MAP3K5: variants seen among roughly 807,000 people sequenced by gnomAD.
The protein encoded by MAP3K5 is ASK-1.
MAP3K5 carries 56 observed loss-of-function variants against 158.7 expected under a neutral mutation model. The ratio of observed to expected loss-of-function variants is 0.35; its 90% CI spans 0.28 to 0.44. The LOEUF (loss-of-function observed/expected upper bound fraction) is 0.44. MAP3K5 is among the 20% of genes least tolerant of loss of function. The pLI is 1.00. For synonymous variants in MAP3K5, 579 were observed against 601.7 expected (o/e 0.96, Z 0.55); for missense variants, 1,294 against 1,674.8 (o/e 0.77, Z 3.97).
At chr6:136,780,063 A>C (rs193240571) in intron 1 of MAP3K5, among the ~76,000 whole-genome samples, 1 of 152,302 alleles carries the variant, frequency 6.6e-6, no homozygotes, top group African/African-American at 2.4e-5. Flanking sequence ...AAAGACTTGG[A>C]AAAGGTCAAA....
intron 1 of MAP3K5, among the ~76,000 whole-genome samples, chr6:136,756,384 A>G (rs913972876): frequency 2.6e-5 from 4 of 152,182 alleles, no homozygotes; most frequent in Non-Finnish European, 5.9e-5. Flanking sequence ...GTCAGAGTGC[A>G]ATGAAATGAT....
At chr6:136,582,034 G>A (rs1774903388) in intron 24 of MAP3K5, among the ~76,000 whole-genome samples, 1 of 151,584 alleles carries the variant, frequency 6.6e-6, no homozygotes, top group Non-Finnish European at 1.5e-5. Context: ...AGTGACCTGA[G>A]ATCATGCCAC....
At chr6:136,764,475 C>T (rs1783880686) in intron 1 of MAP3K5, among the ~76,000 whole-genome samples, 2 of 152,170 alleles carry the variant, frequency 1.3e-5, no homozygotes, top group African/African-American at 4.8e-5. Context: ...CAGCCCACAC[C>T]ACCTTCCAGT....
chr6:136,655,947 G>A (rs975709025), intron 10 of MAP3K5, among the ~76,000 whole-genome samples: 19 of 152,142 alleles, frequency 1.2e-4, no homozygotes, highest in Non-Finnish European at 1.5e-5. Flanking sequence ...CAATACGGGA[G>A]ATAATACTGA....
At chr6:136,755,369 C>G (rs1459049350) in intron 1 of MAP3K5, among the ~76,000 whole-genome samples, 2 of 152,108 alleles carry the variant, frequency 1.3e-5, no homozygotes, top group African/African-American at 2.4e-5. Context: ...TCTCCTCTCC[C>G]AGCCCTCTAA....
At chr6:136,675,531 C>A (rs1562602167) in intron 7 of MAP3K5, among the ~76,000 whole-genome samples, 2 of 151,692 alleles carry the variant, frequency 1.3e-5, no homozygotes, top group South Asian at 4.2e-4. Context: ...ACCCAAAGGT[C>A]AAAGAAGAAA....
intron 2 of MAP3K5, among the ~76,000 whole-genome samples, chr6:136,715,851 C>T (rs550553863): frequency 1.3e-5 from 2 of 151,242 alleles, no homozygotes; most frequent in Admixed American, 6.6e-5. Context: ...GCCAACATGG[C>T]GAAACCCCGT....
chr6:136,644,277 G>A (rs1260134763), intron 11 of MAP3K5, among the ~76,000 whole-genome samples: 1 of 152,172 alleles, frequency 6.6e-6, no homozygotes, highest in Non-Finnish European at 1.5e-5. Context: ...CCCAAGCCCT[G>A]AGATGGAAGG....
intron 2 of MAP3K5, among the ~76,000 whole-genome samples, chr6:136,712,824 T>C (rs1781367168): frequency 6.6e-6 from 1 of 152,216 alleles, no homozygotes; most frequent in Admixed American, 6.5e-5. Flanking sequence ...CGAGGTCTGA[T>C]GATTTTATAA....
intron 7 of MAP3K5, among the ~76,000 whole-genome samples, chr6:136,680,706 T>C (rs1226778942): frequency 6.6e-6 from 1 of 152,214 alleles, no homozygotes; most frequent in Non-Finnish European, 1.5e-5. Flanking sequence ...TTCTCATCTT[T>C]GCCAATTGAT....
In MAP3K5 at chr6:136,602,706, G is replaced by A. The variant is rs565441223; in HGVS notation, c.2680-727C>T. Among the ~76,000 whole-genome samples, 12 of 152,200 alleles carry A rather than the reference G, an allele frequency of 7.9e-5. No individual in the cohort carries two copies. The East Asian group carries it at 9.6e-4, about 12-fold the overall frequency. The stretch of plus-strand genomic sequence containing the variant: ...CATCAAATCCTTCCAACAATCCAGC[G>A]GATTAAATATTTTCCTTGTTACACC... On this transcript the variant is annotated intron_variant, in intron 19 of 29. Transcript: ENST00000359015.
intron 2 of MAP3K5, 24 bp from the exon 3 acceptor site, chr6:136,705,157 AC>A (rs756619186): frequency 9.1e-7 from 1 of 1,101,174 alleles, no homozygotes. Flanking sequence ...AAAAAAATAT[AC>A]CACAAGTTAA....
At chr6:136,663,256 C>G (rs938109268) in intron 8 of MAP3K5, among the ~76,000 whole-genome samples, 1 of 152,184 alleles carries the variant, frequency 6.6e-6, no homozygotes, top group Non-Finnish European at 1.5e-5. Flanking sequence ...TGAAGAATCT[C>G]AAACATACAT....
At chr6:136,646,812 A>G (rs1010237479) in intron 11 of MAP3K5, among the ~76,000 whole-genome samples, 2 of 152,232 alleles carry the variant, frequency 1.3e-5, no homozygotes, top group Admixed American at 1.3e-4. Context: ...CTTTAAAGCA[A>G]TATCACTAAC....
intron 14 of MAP3K5, among the ~76,000 whole-genome samples, chr6:136,631,258 A>G (rs1309281023): frequency 6.6e-6 from 1 of 152,160 alleles, no homozygotes; most frequent in African/African-American, 2.4e-5. Flanking sequence ...ACAAATTGAT[A>G]CTCATATCAT....
At position 136,792,288 on chromosome 6, in the gene MAP3K5, C is replaced by T; in HGVS notation, c.-131G>A. 19 of 1,085,654 alleles carry T rather than the reference C, an allele frequency of 1.8e-5. No homozygotes were observed. The highest frequency in any genetic ancestry group is 2.1e-5 in the Non-Finnish European group (19 of 901,358). 67.3% of individuals were successfully genotyped at this position (1,085,654 alleles called of 1,614,324 possible). ...ATCGCGCGCCGCGCCCTCGCCGCCG[C>T]GCCGCCGCCTCCTCTCCGGCGCCCT... On this transcript the variant is annotated 5_prime_UTR_variant, in exon 1 of 30. Coordinates refer to ENST00000359015, the MANE Select transcript of MAP3K5 (RefSeq NM_005923.4). The surrounding 1 kb of genome is among the most constrained non-coding windows in gnomAD (Gnocchi z 5.7).
At chr6:136,704,308 T>C (rs1780978289) in intron 3 of MAP3K5, among the ~76,000 whole-genome samples, 3 of 152,090 alleles carry the variant, frequency 2.0e-5, no homozygotes. Flanking sequence ...TTACAGACAC[T>C]GGAGAGACGA....
chr6:136,574,683 CTTTTTT>C (rs1223054758), intron 25 of MAP3K5, among the ~76,000 whole-genome samples: 227 of 108,536 alleles, frequency 2.1e-3, no homozygotes, highest in African/African-American at 7.9e-3. Flanking sequence ...AGATTAAACA[CTTTTTT>C]TTTTTTTTTT....
intron 7 of MAP3K5, among the ~76,000 whole-genome samples, chr6:136,687,989 G>C (rs1356394872): frequency 6.6e-6 from 1 of 152,072 alleles, no homozygotes; most frequent in Non-Finnish European, 1.5e-5. Context: ...TTGCAGCACT[G>C]TTCATAATAG....
Sources: gnomAD v4.1 joint callset for allele counts (sites outside exome capture counted in the v4.1 genomes callset) on GRCh38, gnomAD v4.1.1 for gene constraint, Gnocchi (gnomAD v3.1) non-coding constraint, MANE v1.5 for transcripts, NCBI Gene and HGNC (gene_info 2026-07-23, HGNC 2026-07-21) for gene names.